Variants in CCDC102B observed in about 807,000 individuals in gnomAD.
The protein encoded by CCDC102B is coiled-coil domain-containing protein 102B.
Under a neutral mutation model 57.4 loss-of-function variants are expected in CCDC102B, and 75 were observed. That is an observed-to-expected ratio of 1.31 (90% CI 1.08 to 1.58). CCDC102B has a LOEUF of 1.58. CCDC102B is among the 40% of genes most tolerant of loss of function. The pLI, the probability that CCDC102B is intolerant of heterozygous loss-of-function variation, is 0.00. For missense variants in CCDC102B, 636 were observed against 582.6 expected (o/e 1.09, Z -0.94); for synonymous variants, 206 against 201.9 (o/e 1.02, Z -0.17).
At chr18:68,751,385 G>A (rs572244212) in intron 2 of CCDC102B, among the ~76,000 whole-genome samples, 43 of 152,160 alleles carry the variant, frequency 2.8e-4, no homozygotes, top group Middle Eastern at 3.4e-3. Context: ...TTTAACACAC[G>A]GATATTCACA....
intron 1 of CCDC102B, among the ~76,000 whole-genome samples, chr18:68,814,367 T>A (rs1471390515): frequency 6.6e-6 from 1 of 152,110 alleles, no homozygotes; most frequent in South Asian, 2.1e-4. Context: ...TGTCAATGAA[T>A]CAGCCACTGA....
Position 68,979,277 on chromosome 18 carries a change from A to G in CCDC102B, c.1264-31657A>G, listed in dbSNP as rs112728464. On this transcript the variant is annotated intron_variant, in intron 6 of 7. Coordinates refer to ENST00000360242, the MANE Select transcript of CCDC102B (RefSeq NM_024781.3). ...TGAAAGCATTTTCAAATAGGCAAAC[A>G]GGTTAGTATATTTCTGGAGAAAATA... Among the ~76,000 whole-genome samples, 204 of 152,216 alleles carry G rather than the reference A, an allele frequency of 1.3e-3. 1 individual carries two copies. The highest frequency in any genetic ancestry group is 4.5e-3 in the African/African-American group (188 of 41,568).
At chr18:69,028,636 C>A (rs1395103147) in intron 7 of CCDC102B, among the ~76,000 whole-genome samples, 1 of 151,936 alleles carries the variant, frequency 6.6e-6, no homozygotes, top group Admixed American at 6.6e-5. Flanking sequence ...TTCTTTGACA[C>A]ACACACACAC....
At chr18:68,828,016 A>C (rs1387235300) in intron 1 of CCDC102B, among the ~76,000 whole-genome samples, 1 of 151,968 alleles carries the variant, frequency 6.6e-6, no homozygotes, top group African/African-American at 2.4e-5. Flanking sequence ...TCAATACATC[A>C]GGAAGACATA....
At chr18:68,915,554 T>C (rs2041041721) in intron 6 of CCDC102B, among the ~76,000 whole-genome samples, 1 of 152,222 alleles carries the variant, frequency 6.6e-6, no homozygotes, top group Non-Finnish European at 1.5e-5. Flanking sequence ...GAATTTACAA[T>C]ATTTTTTGAA....
intron 6 of CCDC102B, among the ~76,000 whole-genome samples, chr18:68,956,560 ATATT>A (rs1159793142): frequency 1.9e-4 from 1 of 5,322 alleles, no homozygotes; most frequent in African/African-American, 4.5e-4. Context: ...AATATTATAT[ATATT>A]ATATATTTTA....
chr18:68,724,494 T>C (rs2032503376), intron 2 of CCDC102B, among the ~76,000 whole-genome samples: 1 of 152,150 alleles, frequency 6.6e-6, no homozygotes, highest in Non-Finnish European at 1.5e-5. Context: ...ATACCCTAAA[T>C]TGTCTCTTTC....
chr18:69,038,206 G>A (rs1003057710), intron 7 of CCDC102B, among the ~76,000 whole-genome samples: 18 of 151,766 alleles, frequency 1.2e-4, no homozygotes, highest in South Asian at 2.1e-4. Flanking sequence ...ATAAAATGGC[G>A]CCATGAAATC....
intron 6 of CCDC102B, among the ~76,000 whole-genome samples, chr18:68,907,195 T>C (rs1250904270): frequency 6.6e-6 from 1 of 152,226 alleles, no homozygotes; most frequent in Non-Finnish European, 1.5e-5. Flanking sequence ...ATGCCAGTGC[T>C]ATACTGTTTT....
intron 6 of CCDC102B, among the ~76,000 whole-genome samples, chr18:68,939,620 T>A (rs2145163806): frequency 6.6e-6 from 1 of 151,976 alleles, no homozygotes; most frequent in South Asian, 2.1e-4. Flanking sequence ...TTAAAGAAGA[T>A]ATATCACAAG....
At chr18:68,934,726 CT>C (rs980255416) in intron 6 of CCDC102B, among the ~76,000 whole-genome samples, 7 of 151,686 alleles carry the variant, frequency 4.6e-5, no homozygotes, top group Admixed American at 2.0e-4. Context: ...TTTTCTTTGA[CT>C]TTTTTTTCAG....
intron 6 of CCDC102B, among the ~76,000 whole-genome samples, chr18:68,986,873 A>G (rs78726125): frequency 6.6e-6 from 1 of 152,138 alleles, no homozygotes; most frequent in Non-Finnish European, 1.5e-5. Flanking sequence ...GAAGGAAGGG[A>G]AAGATCTCTA....
At chr18:68,724,020 C>T (rs1340175880) in intron 2 of CCDC102B, among the ~76,000 whole-genome samples, 3 of 152,296 alleles carry the variant, frequency 2.0e-5, no homozygotes, top group African/African-American at 4.8e-5. Context: ...GATGCAGGTT[C>T]CCAAACCTCA....
At chr18:68,851,347 A>G (rs1413735753) in intron 4 of CCDC102B, among the ~76,000 whole-genome samples, 2 of 152,158 alleles carry the variant, frequency 1.3e-5, no homozygotes, top group African/African-American at 4.8e-5. Flanking sequence ...TGTTCTTTGC[A>G]TGACATAAAT....
intron 2 of CCDC102B, among the ~76,000 whole-genome samples, chr18:68,775,627 T>C (rs1387063466): frequency 6.6e-6 from 1 of 151,080 alleles, no homozygotes; most frequent in Admixed American, 6.6e-5. Flanking sequence ...CCTTATGTGA[T>C]GCTAGTAGGC....
intron 6 of CCDC102B, among the ~76,000 whole-genome samples, chr18:68,989,135 C>T (rs1244426794): frequency 2.0e-5 from 3 of 152,166 alleles, no homozygotes; most frequent in Non-Finnish European, 4.4e-5. Flanking sequence ...TATTTTGTTA[C>T]TCTGCATGTA....
intron 5 of CCDC102B, among the ~76,000 whole-genome samples, chr18:68,883,651 G>A (rs151262375): frequency 2.6e-5 from 4 of 152,286 alleles, no homozygotes; most frequent in Non-Finnish European, 5.9e-5. Context: ...ACCATTGTGC[G>A]TGCAACTGAG....
intron 6 of CCDC102B, among the ~76,000 whole-genome samples, chr18:68,945,931 A>AT (rs1220439600): frequency 2.0e-5 from 3 of 151,332 alleles, no homozygotes; most frequent in Admixed American, 6.6e-5. Flanking sequence ...TCACTTTATT[A>AT]TTTTTTTTCT....
chr18:68,723,696 T>C (rs556498701), intron 2 of CCDC102B, among the ~76,000 whole-genome samples: 1 of 152,342 alleles, frequency 6.6e-6, no homozygotes, highest in African/African-American at 2.4e-5. Context: ...CTTGGACAGC[T>C]CCACTCCTGT....
Sources: gnomAD v4.1 joint callset for allele counts (sites outside exome capture counted in the v4.1 genomes callset) on GRCh38, gnomAD v4.1.1 for gene constraint, MANE v1.5 for transcripts, NCBI Gene and HGNC (gene_info 2026-07-23, HGNC 2026-07-21) for gene names.